PALS2: variants seen among roughly 807,000 people sequenced by gnomAD.
PALS2 encodes protein PALS2.
PALS2 carries 27 observed loss-of-function variants against 61.6 expected under a neutral mutation model. The observed-to-expected ratio is 0.44, with a 90% CI of 0.32 to 0.60. The LOEUF (loss-of-function observed/expected upper bound fraction) is 0.60, where lower values mean the gene tolerates loss of function less well. PALS2 is among the 20% of genes least tolerant of loss of function. The pLI, the probability that PALS2 is intolerant of heterozygous loss-of-function variation, is 0.05. For missense variants in PALS2, 554 were observed against 639.4 expected, an observed-to-expected ratio of 0.87 and a Z score of 1.44; for synonymous variants, 236 against 218.6, an observed-to-expected ratio of 1.08 and a Z score of -0.70.
chr7:24,614,587 T>A lies in PALS2; in HGVS notation c.-2-9079T>A, dbSNP rs1488346133. ...GCACACAACCCTGGAGCACCAGATA[T>A]AAAAGGAAGTATTATTACATCTAAA... On this transcript the variant is annotated intron_variant, in intron 1 of 11. Transcript: ENST00000222644. 1.3e-5 allele frequency among the ~76,000 whole-genome samples: 2 copies of A among 151,948 alleles called. 1 individual carries two copies. Among genetic ancestry groups the A allele is most frequent in the Non-Finnish European group, 2.9e-5 (2 of 67,800 alleles).
intron 1 of PALS2, among the ~76,000 whole-genome samples, chr7:24,577,814 C>T (rs1017437867): frequency 6.6e-6 from 1 of 152,138 alleles, no homozygotes; most frequent in African/African-American, 2.4e-5. Flanking sequence ...CCCTCAATCC[C>T]ATTACCTTTT....
At chr7:24,583,558 C>T (rs1255347431) in intron 1 of PALS2, among the ~76,000 whole-genome samples, 1 of 151,890 alleles carries the variant, frequency 6.6e-6, no homozygotes, top group East Asian at 1.9e-4. Context: ...CAATAAGGTC[C>T]CCTGCCCCCA....
intron 8 of PALS2, 21 bp downstream of exon 8, chr7:24,666,110 G>A: frequency 6.3e-7 from 1 of 1,585,506 alleles, no homozygotes; most frequent in Non-Finnish European, 8.6e-7. Context: ...AATACTTTTT[G>A]AGAAGTCCAA....
At chr7:24,641,394 C>T (rs1017778975) in intron 2 of PALS2, among the ~76,000 whole-genome samples, 1 of 151,248 alleles carries the variant, frequency 6.6e-6, no homozygotes, top group African/African-American at 2.4e-5. Flanking sequence ...CCTAGGAGGT[C>T]GTTAGGAAAT....
chr7:24,681,823 T>C (rs1287517466), intron 11 of PALS2, among the ~76,000 whole-genome samples: 1 of 152,188 alleles, frequency 6.6e-6, no homozygotes, highest in Non-Finnish European at 1.5e-5. Context: ...CCTTTTCCCC[T>C]CACTGTACTT....
At chr7:24,670,310 G>A (rs552255216) in intron 9 of PALS2, among the ~76,000 whole-genome samples, 5 of 151,776 alleles carry the variant, frequency 3.3e-5, no homozygotes, top group African/African-American at 1.2e-4. Context: ...TTAAACTAAA[G>A]ACTTGTTTAT....
chr7:24,655,360 A>G (rs1466938452), intron 5 of PALS2, among the ~76,000 whole-genome samples: 1 of 152,194 alleles, frequency 6.6e-6, no homozygotes, highest in Non-Finnish European at 1.5e-5. Flanking sequence ...ATGCAGTAGA[A>G]CTATAATCAA....
intron 5 of PALS2, among the ~76,000 whole-genome samples, chr7:24,662,197 T>C (rs1020147651): frequency 2.1e-4 from 32 of 152,196 alleles, no homozygotes; most frequent in Admixed American, 1.3e-3. Flanking sequence ...TATAAATAAC[T>C]AAGATTTTAT....
intron 3 of PALS2, among the ~76,000 whole-genome samples, chr7:24,647,561 C>T (rs1785907342): frequency 6.6e-6 from 1 of 152,088 alleles, no homozygotes; most frequent in South Asian, 2.1e-4. Flanking sequence ...TCAGAATTTT[C>T]ATTAGAGGTT....
chr7:24,632,676 C>T (rs189854237), intron 2 of PALS2, among the ~76,000 whole-genome samples: 82 of 152,202 alleles, frequency 5.4e-4, no homozygotes, highest in African/African-American at 1.6e-3. Context: ...TGTGAGCCAC[C>T]GCATCCAGCC....
At chr7:24,680,739 G>A (rs1166443688) in intron 11 of PALS2, among the ~76,000 whole-genome samples, 1 of 152,148 alleles carries the variant, frequency 6.6e-6, no homozygotes. Context: ...GGGATTACAG[G>A]CATGCGCTAC....
Position 24,674,098 on chromosome 7 carries a change from G to C in PALS2, c.1115-5033G>C, listed in dbSNP as rs560981391. 3.3e-5 allele frequency among the ~76,000 whole-genome samples: 5 copies of C among 152,156 alleles called. No individual in the cohort carries two copies. In the South Asian group the frequency reaches 1.0e-3, roughly 32 times the overall value. ...CCCGAATATGCAACTATGCAACACAGACCAGTTAGCCAGATCTAAAATAAT... is the reference window on the plus strand; with the variant it reads ...CCCGAATATGCAACTATGCAACACACACCAGTTAGCCAGATCTAAAATAAT... On this transcript the variant is annotated intron_variant, in intron 9 of 11. Coordinates refer to ENST00000222644, the MANE Select transcript of PALS2 (RefSeq NM_001303037.2).
At chr7:24,600,673 T>A (rs1783688027) in intron 1 of PALS2, among the ~76,000 whole-genome samples, 2 of 152,200 alleles carry the variant, frequency 1.3e-5, no homozygotes, top group South Asian at 2.1e-4. Context: ...GCCATTTAAC[T>A]ATTTTTTATA....
At chr7:24,621,730 A>G (rs1189276882) in intron 1 of PALS2, among the ~76,000 whole-genome samples, 1 of 152,050 alleles carries the variant, frequency 6.6e-6, no homozygotes, top group Non-Finnish European at 1.5e-5. Flanking sequence ...TAGTACTACA[A>G]TCTGACTTTT....
In PALS2 at chr7:24,680,280, A is replaced by T. The variant is rs1787849078; in HGVS notation, c.1318-112A>T. ...ACAGAACAGGGATAAGTATTAAGTT[A>T]TGTCCTTTAATTCATAGAACAAGTG... On this transcript the variant is annotated intron_variant, in intron 10 of 11. Transcript: ENST00000222644. 1.8e-5 allele frequency: 19 copies of T among 1,037,388 alleles called. No homozygotes were observed. The South Asian group carries it at 2.8e-4, about 15-fold the overall frequency. The allele number at this position is 1,037,388 out of a possible 1,614,324, so 64.3% of individuals were successfully genotyped here.
At chr7:24,639,685 T>C (rs528900376) in intron 2 of PALS2, among the ~76,000 whole-genome samples, 1 of 151,972 alleles carries the variant, frequency 6.6e-6, no homozygotes, top group African/African-American at 2.4e-5. Flanking sequence ...TTTTTTTTTT[T>C]CCAATGGTGA....
rs543677589 is a variant in PALS2 at position 24,579,948 on chromosome 7, T to G, written c.-3+6355T>G. 1.0e-3 allele frequency among the ~76,000 whole-genome samples: 155 copies of G among 152,208 alleles called. 2 individuals carry two copies. Among genetic ancestry groups the G allele is most frequent in the African/African-American group, 2.9e-3 (121 of 41,540 alleles). ...GGGTAGGATTAATATTTTTAAAAGA[T>G]AGAATAGGGCAGCTGGAGATATGTG... On this transcript the variant is annotated intron_variant, in intron 1 of 11. Coordinates refer to ENST00000222644, the MANE Select transcript of PALS2 (RefSeq NM_001303037.2).
chr7:24,629,051 G>T lies in PALS2; in HGVS notation c.117+5267G>T, dbSNP rs181987447. 3.9e-5 allele frequency among the ~76,000 whole-genome samples: 6 copies of T among 152,202 alleles called. No individual in the cohort carries two copies. In the East Asian group the frequency reaches 1.2e-3, roughly 29 times the overall value. On this transcript the variant is annotated intron_variant, in intron 2 of 11. Transcript: ENST00000222644. ...TAGCCTAGACAATCCTAAGCAAAAA[G>T]AACAAAGCTGGAGGCATCACGCTAC...
rs958348776 is a variant in PALS2 at position 24,693,085 on chromosome 7, C to T, written c.*5471C>T. The T allele has an allele frequency of 1.3e-5, 2 of 152,138 alleles. No individual in the cohort carries two copies. Among genetic ancestry groups the T allele is most frequent in the Non-Finnish European group, 2.9e-5 (2 of 67,956 alleles). The allele number at this position is 152,138 out of a possible 1,614,324, so 9.4% of individuals were successfully genotyped here. On this transcript the variant is annotated 3_prime_UTR_variant, in exon 12 of 12. Transcript: ENST00000222644. ...ATAGTTCTCTTCCTTTTTTTCCCCTCCTACTGGCTCTTACTGTTTTCTAAT... is the reference window on the plus strand; with the variant it reads ...ATAGTTCTCTTCCTTTTTTTCCCCTTCTACTGGCTCTTACTGTTTTCTAAT...
Sources: gnomAD v4.1 joint callset for allele counts (sites outside exome capture counted in the v4.1 genomes callset) on GRCh38, gnomAD v4.1.1 for gene constraint, MANE v1.5 for transcripts, NCBI Gene and HGNC (gene_info 2026-07-23, HGNC 2026-07-21) for gene names.